The following CCDC170 variants were observed in gnomAD, a reference collection of about 807,000 sequenced individuals.
The protein encoded by CCDC170 is coiled-coil domain-containing protein 170.
Under a neutral mutation model 72.6 loss-of-function variants are expected in CCDC170, and 69 were observed. The ratio of observed to expected loss-of-function variants is 0.95; its 90% CI spans 0.78 to 1.16. The LOEUF is 1.16. Among genes scored for constraint, CCDC170 ranks in the 50% most tolerant of loss-of-function variants. CCDC170 has a pLI of 0.00. For missense variants in CCDC170, 852 were observed against 832.5 expected, an observed-to-expected ratio of 1.02 and a Z score of -0.29; for synonymous variants, 300 against 303.9, an observed-to-expected ratio of 0.99 and a Z score of 0.13.
At chr6:151,608,627 G>A (rs1014770514) in intron 9 of CCDC170, among the ~76,000 whole-genome samples, 14 of 152,156 alleles carry the variant, frequency 9.2e-5, no homozygotes, top group Non-Finnish European at 1.3e-4. Flanking sequence ...GTGGTGTTTT[G>A]TGGAGGCTGT....
At position 151,494,021 on chromosome 6, in the gene CCDC170, T is replaced by A; in HGVS notation, c.-108T>A. 9.5e-7 allele frequency: 1 copy of A among 1,052,954 alleles called. No homozygotes were observed. The highest frequency in any genetic ancestry group is 3.5e-5 in the East Asian group (1 of 28,290). 65.2% of individuals were successfully genotyped at this position (1,052,954 alleles called of 1,614,324 possible). On this transcript the variant is annotated 5_prime_UTR_variant, in exon 1 of 11. Transcript: ENST00000239374. Reference sequence around the variant, plus strand: ...GCCGCGCGCCGCCGCGTCCCCGCGGTGTTTACCCGTTGCCCGAGGAGACAC... The same window carrying A: ...GCCGCGCGCCGCCGCGTCCCCGCGGAGTTTACCCGTTGCCCGAGGAGACAC...
intron 7 of CCDC170, among the ~76,000 whole-genome samples, chr6:151,587,577 T>A (rs539500054): frequency 6.6e-6 from 1 of 152,192 alleles, no homozygotes. Context: ...AAGTAACATA[T>A]TCCTTTTCAT....
chr6:151,505,917 T>G (rs945413962), intron 1 of CCDC170, among the ~76,000 whole-genome samples: 1 of 152,060 alleles, frequency 6.6e-6, no homozygotes, highest in Non-Finnish European at 1.5e-5. Context: ...AGCAACATAG[T>G]GAGACCCCAT....
chr6:151,614,687 C>T (rs1274468101), intron 9 of CCDC170, among the ~76,000 whole-genome samples: 2 of 149,600 alleles, frequency 1.3e-5, no homozygotes, highest in African/African-American at 5.0e-5. Flanking sequence ...CCAGGCTGAT[C>T]TCGAACTCCT....
chr6:151,590,675 A>C (rs1776521349), intron 7 of CCDC170, among the ~76,000 whole-genome samples: 1 of 152,240 alleles, frequency 6.6e-6, no homozygotes, highest in Non-Finnish European at 1.5e-5. Context: ...TGAAGTTAAA[A>C]GTTTCTAGTA....
At chr6:151,527,764 C>T (rs9479056) in intron 1 of CCDC170, among the ~76,000 whole-genome samples, 3 of 151,812 alleles carry the variant, frequency 2.0e-5, no homozygotes, top group African/African-American at 7.3e-5. Context: ...GAAGAGCCTG[C>T]GGTAATACAA....
intron 5 of CCDC170, among the ~76,000 whole-genome samples, chr6:151,558,048 G>A (rs1032905700): frequency 3.9e-5 from 6 of 151,972 alleles, no homozygotes; most frequent in South Asian, 2.1e-4. Context: ...GCACTGAGCC[G>A]AGATTGCGCC....
chr6:151,507,299 T>G (rs1782079785), intron 1 of CCDC170, among the ~76,000 whole-genome samples: 1 of 151,944 alleles, frequency 6.6e-6, no homozygotes, highest in Non-Finnish European at 1.5e-5. Context: ...TGTTCTATAT[T>G]TTTTTTAATC....
At chr6:151,581,255 T>C (rs901067349) in intron 6 of CCDC170, among the ~76,000 whole-genome samples, 1 of 152,234 alleles carries the variant, frequency 6.6e-6, no homozygotes, top group Non-Finnish European at 1.5e-5. Flanking sequence ...TCTTTCTAAA[T>C]TGAGGTCAAT....
chr6:151,531,902 C>A (rs1454537594), intron 1 of CCDC170, among the ~76,000 whole-genome samples: 2 of 152,178 alleles, frequency 1.3e-5, no homozygotes, highest in Admixed American at 6.5e-5. Context: ...AACTGCCCCC[C>A]ATGATTCAAT....
intron 1 of CCDC170, among the ~76,000 whole-genome samples, chr6:151,530,782 A>G (rs1782481375): frequency 6.6e-6 from 1 of 152,158 alleles, no homozygotes; most frequent in South Asian, 2.1e-4. Context: ...AGTTTTAAAG[A>G]TCAGAAATAA....
In CCDC170 at chr6:151,618,100, A is replaced by G; in HGVS notation, c.2101A>G (p.Thr701Ala). 1 of 1,614,116 alleles carries G rather than the reference A, an allele frequency of 6.2e-7. No homozygotes were observed. Among genetic ancestry groups the G allele is most frequent in the South Asian group, 1.1e-5 (1 of 91,062 alleles). ...CTGTGCCTGCCTCAAAGATGTGACT[A>G]CTGGGCAAGAGAGGCACCCACAAGG... ...VTCACLKDVTTGQERHPQGHL... is the reference protein window; with the variant it reads ...VTCACLKDVTAGQERHPQGHL... The change falls in exon 11 of 11, where the codon ACT (threonine) becomes GCT (alanine). Residue 701 changes from threonine to alanine, a missense_variant. By Grantham distance (58) the Thr-to-Ala change is moderately conservative. Transcript: ENST00000239374.
intron 7 of CCDC170, among the ~76,000 whole-genome samples, chr6:151,587,960 C>T (rs1350947508): frequency 6.6e-6 from 1 of 152,022 alleles, no homozygotes. Context: ...GAAAGAATAG[C>T]AGGAACAAAG....
At chr6:151,525,116 T>G (rs1419220754) in intron 1 of CCDC170, among the ~76,000 whole-genome samples, 1 of 152,088 alleles carries the variant, frequency 6.6e-6, no homozygotes, top group Non-Finnish European at 1.5e-5. Context: ...GTATTTTTAG[T>G]AGAGACAGGG....
At chr6:151,580,952 C>T (rs532613843) in intron 6 of CCDC170, among the ~76,000 whole-genome samples, 1 of 152,216 alleles carries the variant, frequency 6.6e-6, no homozygotes, top group South Asian at 2.1e-4. Flanking sequence ...TGCAATAACC[C>T]TATATCTAAA....
intron 7 of CCDC170, among the ~76,000 whole-genome samples, chr6:151,591,599 A>G (rs892991123): frequency 6.6e-6 from 1 of 151,792 alleles, no homozygotes. Context: ...GGTTCACACC[A>G]TTCTCCTGCC....
intron 1 of CCDC170, among the ~76,000 whole-genome samples, chr6:151,525,619 A>G (rs991739725): frequency 6.6e-6 from 1 of 152,114 alleles, no homozygotes; most frequent in Non-Finnish European, 1.5e-5. Flanking sequence ...TCTACCACCT[A>G]TCCCAAACCT....
chr6:151,558,648 C>T (rs777291489), intron 5 of CCDC170, among the ~76,000 whole-genome samples: 2 of 152,160 alleles, frequency 1.3e-5, no homozygotes, highest in Non-Finnish European at 2.9e-5. Flanking sequence ...ATTGAAGAGG[C>T]TCTCTTTTAC....
chr6:151,615,752 TATTC>T, intron 10 of CCDC170, 73 bp downstream of exon 10: 2 of 1,055,486 alleles, frequency 1.9e-6, no homozygotes, highest in Non-Finnish European at 2.8e-6. Flanking sequence ...TATTAATACT[TATTC>T]ATGCATTTCT....
Sources: allele counts gnomAD v4.1 joint callset (sites outside exome capture counted in the v4.1 genomes callset), GRCh38; gene constraint gnomAD v4.1.1; transcripts MANE v1.5; gene names NCBI Gene and HGNC (gene_info 2026-07-23, HGNC 2026-07-21).